Variants in JAKMIP1 observed in about 807,000 individuals in gnomAD.
JAKMIP1 encodes the protein janus kinase and microtubule-interacting protein 1.
Under a neutral mutation model 113.0 loss-of-function variants are expected in JAKMIP1, and 33 were observed. The observed-to-expected ratio is 0.29, with a 90% CI of 0.22 to 0.39. The LOEUF (loss-of-function observed/expected upper bound fraction) is 0.39. Ranked by LOEUF, JAKMIP1 falls within the 10% of genes least tolerant of loss-of-function variation. The pLI is 1.00. For synonymous variants in JAKMIP1, 480 were observed against 459.9 expected, an observed-to-expected ratio of 1.04 and a Z score of -0.56; for missense variants, 813 against 1,080.5, an observed-to-expected ratio of 0.75 and a Z score of 3.47.
At chr4:6,075,208 G>A (rs1719529355) in intron 8 of JAKMIP1, among the ~76,000 whole-genome samples, 1 of 152,156 alleles carries the variant, frequency 6.6e-6, no homozygotes. Context: ...TATATGTTCA[G>A]TAGAGATGCA....
At position 6,042,765 on chromosome 4, in the gene JAKMIP1, A is replaced by G. The variant is rs772360738; in HGVS notation, c.2029-538T>C. Among the ~76,000 whole-genome samples, 2 of 152,000 alleles carry G rather than the reference A, an allele frequency of 1.3e-5. No homozygotes were observed. Among genetic ancestry groups the G allele is most frequent in the Non-Finnish European group, 2.9e-5 (2 of 68,006 alleles). The stretch of plus-strand genomic sequence containing the variant: ...CTGCCCTCATCCCTCCAGCAACGTG[A>G]GTTGGAGCAGCCCAGAGTGCCTGGT... On this transcript the variant is annotated intron_variant, in intron 16 of 20. Coordinates refer to ENST00000409021, the MANE Select transcript of JAKMIP1 (RefSeq NM_001099433.2). This position sits in a 1 kb window ranked among gnomAD's most constrained non-coding sequence, Gnocchi z 5.2.
rs891168925 is a variant in JAKMIP1, at chr4:6,153,160, A to G, written c.-147-40163T>C. 3.3e-5 allele frequency among the ~76,000 whole-genome samples: 5 copies of G among 152,022 alleles called. No homozygotes were observed. The highest frequency in any genetic ancestry group is 7.4e-5 in the Non-Finnish European group (5 of 67,994). On this transcript the variant is annotated intron_variant, in intron 1 of 20. Coordinates refer to ENST00000409021, the MANE Select transcript of JAKMIP1 (RefSeq NM_001099433.2). This position sits in a 1 kb window ranked among gnomAD's most constrained non-coding sequence, Gnocchi z 4.9. ...AGCCAAGGCTTCAAAATCAAGCTCTACCAGACTCTCCTGGCATCCAGCTCA... is the reference window on the plus strand; with the variant it reads ...AGCCAAGGCTTCAAAATCAAGCTCTGCCAGACTCTCCTGGCATCCAGCTCA...
rs913931244 is a variant in JAKMIP1 at position 6,153,927 on chromosome 4, A to G, written c.-147-40930T>C. On this transcript the variant is annotated intron_variant, in intron 1 of 20. Coordinates refer to ENST00000409021, the MANE Select transcript of JAKMIP1 (RefSeq NM_001099433.2). This position sits in a 1 kb window ranked among gnomAD's most constrained non-coding sequence, Gnocchi z 4.9. Reference sequence around the variant, plus strand: ...TGCGGAACCAGCTACCCGCTCCCTGAGGCCCCTTTTGGCTGGGAAAGTCTG... The same window carrying G: ...TGCGGAACCAGCTACCCGCTCCCTGGGGCCCCTTTTGGCTGGGAAAGTCTG... Among the ~76,000 whole-genome samples, 1 of 152,244 alleles carries G rather than the reference A, an allele frequency of 6.6e-6. No individual in the cohort carries two copies. The highest frequency in any genetic ancestry group is 2.4e-5 in the African/African-American group (1 of 41,468).
At position 6,045,869 on chromosome 4, in the gene JAKMIP1, CA is replaced by C. The variant is rs755039662; in HGVS notation, c.2028+2987del. Among the ~76,000 whole-genome samples the C allele has an allele frequency of 7.8e-4, 114 of 146,894 alleles. 4 individuals carry two copies. The highest frequency in any genetic ancestry group is 1.9e-3 in the African/African-American group (75 of 40,188). ...TGGGTGACAGAGTGAGACTCTGTCT[CA>C]AAAAAAAAAATTAATGCCTCTAAGG... On this transcript the variant is annotated intron_variant, in intron 16 of 20. Transcript: ENST00000409021.
In JAKMIP1 at chr4:6,129,151, T is replaced by C. The variant is rs1366310550; in HGVS notation, c.-147-16154A>G. 6.6e-6 allele frequency among the ~76,000 whole-genome samples: 1 copy of C among 152,186 alleles called. No individual in the cohort carries two copies. Among genetic ancestry groups the C allele is most frequent in the Non-Finnish European group, 1.5e-5 (1 of 68,034 alleles). Reference sequence around the variant, plus strand: ...CACTTTCACTCCGCACTGTGGGGTGTCTTCACATCTACAGAGTTCAGGCAG... The same window carrying C: ...CACTTTCACTCCGCACTGTGGGGTGCCTTCACATCTACAGAGTTCAGGCAG... On this transcript the variant is annotated intron_variant, in intron 1 of 20. Transcript: ENST00000409021. The surrounding 1 kb of genome is among the most constrained non-coding windows in gnomAD (Gnocchi z 5.4).
rs531819360 is a variant in JAKMIP1 at position 6,155,999 on chromosome 4, G to A, written c.-147-43002C>T. On this transcript the variant is annotated intron_variant, in intron 1 of 20. Transcript: ENST00000409021. The surrounding 1 kb of genome is among the most constrained non-coding windows in gnomAD (Gnocchi z 6.1). ...CAGCTCTGTGACTTCTGTCCGTGGTGGGTTCCTCAGTGCGTAGAACAGTGC... is the reference window on the plus strand; with the variant it reads ...CAGCTCTGTGACTTCTGTCCGTGGTAGGTTCCTCAGTGCGTAGAACAGTGC... Among the ~76,000 whole-genome samples, 12 of 152,308 alleles carry A rather than the reference G, an allele frequency of 7.9e-5. No homozygotes were observed. Among genetic ancestry groups the A allele is most frequent in the African/African-American group, 2.6e-4 (11 of 41,564 alleles).
At position 6,154,204 on chromosome 4, in the gene JAKMIP1, G is replaced by A. The variant is rs1243864831; in HGVS notation, c.-147-41207C>T. On this transcript the variant is annotated intron_variant, in intron 1 of 20. Coordinates refer to ENST00000409021, the MANE Select transcript of JAKMIP1 (RefSeq NM_001099433.2). The surrounding 1 kb of genome is among the most constrained non-coding windows in gnomAD (Gnocchi z 4.2). ...AGACAGAGCGGAGCTGGACACAGGC[G>A]GAGGCTGAAGAAACAAGCAAATCAC... is the stretch of plus-strand genomic sequence containing the variant. 3.3e-5 allele frequency among the ~76,000 whole-genome samples: 5 copies of A among 152,330 alleles called. No individual in the cohort carries two copies. The highest frequency in any genetic ancestry group is 6.5e-5 in the Admixed American group (1 of 15,302).
chr4:6,170,962 A>C (rs1409678916), intron 1 of JAKMIP1, among the ~76,000 whole-genome samples: 1 of 135,212 alleles, frequency 7.4e-6, no homozygotes, highest in Admixed American at 7.3e-5. Flanking sequence ...CCATCACCAT[A>C]ACCCACCATC....
In JAKMIP1 at chr4:6,061,899, G is replaced by C. The variant is rs1717333181; in HGVS notation, c.1560+413C>G. ...GTGGTCACAGGGCCCAGAGTGCCTT[G>C]GTGGCTGGGGAGCACCCTGAGAGTC... On this transcript the variant is annotated intron_variant, in intron 10 of 20. Transcript: ENST00000409021. This position sits in a 1 kb window ranked among gnomAD's most constrained non-coding sequence, Gnocchi z 5.3. Among the ~76,000 whole-genome samples, 1 of 152,182 alleles carries C rather than the reference G, an allele frequency of 6.6e-6. No homozygotes were observed. Among genetic ancestry groups the C allele is most frequent in the Admixed American group, 6.5e-5 (1 of 15,272 alleles).
At chr4:6,120,341 G>A (rs1049614707) in intron 1 of JAKMIP1, among the ~76,000 whole-genome samples, 32 of 152,140 alleles carry the variant, frequency 2.1e-4, no homozygotes, top group Non-Finnish European at 4.4e-5. Flanking sequence ...GCAGTAATAT[G>A]CTTCCTGGAA....
intron 1 of JAKMIP1, among the ~76,000 whole-genome samples, chr4:6,120,641 G>A (rs758491307): frequency 2.0e-5 from 3 of 152,206 alleles, no homozygotes; most frequent in African/African-American, 7.2e-5. Context: ...TTTCAGTTTC[G>A]TTTAAAATCC....
intron 19 of JAKMIP1, among the ~76,000 whole-genome samples, chr4:6,032,975 G>A (rs1432192879): frequency 6.6e-6 from 1 of 152,256 alleles, no homozygotes; most frequent in African/African-American, 2.4e-5. Flanking sequence ...CAGGCCAACT[G>A]TGGCTAGGAA....
chr4:6,088,417 G>A lies in JAKMIP1; in HGVS notation c.625-2788C>T, dbSNP rs1458435103. ...GCTTTGCAGTGAAGCCCCCGCCACTGCCTTCCACTAGCTCCCCACAAAAGA... is the reference window on the plus strand; with the variant it reads ...GCTTTGCAGTGAAGCCCCCGCCACTACCTTCCACTAGCTCCCCACAAAAGA... On this transcript the variant is annotated intron_variant, in intron 3 of 20. Transcript: ENST00000409021. The surrounding 1 kb of genome is among the most constrained non-coding windows in gnomAD (Gnocchi z 5.5). Among the ~76,000 whole-genome samples the A allele has an allele frequency of 6.6e-6, 1 of 152,164 alleles. No homozygotes were observed. The highest frequency in any genetic ancestry group is 1.5e-5 in the Non-Finnish European group (1 of 68,030).
In JAKMIP1 at chr4:6,197,699, G is replaced by A. The variant is rs1443666983; in HGVS notation, c.-148+2554C>T. The stretch of plus-strand genomic sequence containing the variant: ...CCCAAGGGAAGCCCCCATTTAGTTA[G>A]AAAGCCCAGCAGGGAGGCACTTGCC... On this transcript the variant is annotated intron_variant, in intron 1 of 20. Transcript: ENST00000409021. This position sits in a 1 kb window ranked among gnomAD's most constrained non-coding sequence, Gnocchi z 6.5. 6.6e-6 allele frequency among the ~76,000 whole-genome samples: 1 copy of A among 152,216 alleles called. No individual in the cohort carries two copies. The highest frequency in any genetic ancestry group is 6.5e-5 in the Admixed American group (1 of 15,290).
At chr4:6,062,013 C>A (rs1717358460) in intron 10 of JAKMIP1, among the ~76,000 whole-genome samples, 1 of 152,242 alleles carries the variant, frequency 6.6e-6, no homozygotes, top group Admixed American at 6.5e-5. Flanking sequence ...CCAGCCAAGT[C>A]TGTGATTTCA....
intron 19 of JAKMIP1, among the ~76,000 whole-genome samples, chr4:6,035,026 G>A (rs762394080): frequency 3.3e-5 from 5 of 152,130 alleles, no homozygotes; most frequent in Non-Finnish European, 5.9e-5. Context: ...ACTCTTCCCT[G>A]GGGCTCTAGC....
intron 2 of JAKMIP1, 21 bp from the exon 3 acceptor site, chr4:6,105,988 G>A: frequency 6.5e-7 from 1 of 1,529,446 alleles, no homozygotes; most frequent in African/African-American, 1.4e-5. Flanking sequence ...AGCGGCGAGA[G>A]AGCCGGTCAG....
chr4:6,064,396 T>A lies in JAKMIP1; in HGVS notation c.1431+484A>T, dbSNP rs1434593909. On this transcript the variant is annotated intron_variant, in intron 9 of 20. Transcript: ENST00000409021. This position sits in a 1 kb window ranked among gnomAD's most constrained non-coding sequence, Gnocchi z 4.3. ...ACAGGGTGAGGCGGTGACCTTGGGG[T>A]GATGGGACTTCAGGGCTCTTCACCT... Among the ~76,000 whole-genome samples the A allele has an allele frequency of 2.0e-5, 3 of 152,050 alleles. No homozygotes were observed. The highest frequency in any genetic ancestry group is 7.2e-5 in the African/African-American group (3 of 41,412).
intron 20 of JAKMIP1, among the ~76,000 whole-genome samples, chr4:6,027,505 G>C (rs1031500125): frequency 6.6e-6 from 1 of 152,188 alleles, no homozygotes; most frequent in Admixed American, 6.5e-5. Flanking sequence ...AAGGGGCCAG[G>C]GATAGTGGTG....
Sources: allele counts gnomAD v4.1 joint callset (sites outside exome capture counted in the v4.1 genomes callset), GRCh38; gene constraint gnomAD v4.1.1; non-coding constraint Gnocchi (gnomAD v3.1); transcripts MANE v1.5; gene names NCBI Gene and HGNC (gene_info 2026-07-23, HGNC 2026-07-21).